The following CSMD1 variants were observed in gnomAD, a reference collection of about 807,000 sequenced individuals.
CSMD1 encodes the protein CUB and sushi domain-containing protein 1.
Under a neutral mutation model 417.5 loss-of-function variants are expected in CSMD1, and 213 were observed. That is an observed-to-expected ratio of 0.51 (90% confidence interval 0.46 to 0.57). The LOEUF (loss-of-function observed/expected upper bound fraction) is 0.57. Ranked by LOEUF, CSMD1 falls within the 20% of genes least tolerant of loss-of-function variation. CSMD1 has a pLI of 0.00. For missense variants in CSMD1, 6,923 were observed against 4,529.7 expected (o/e 1.53, Z -15.17); for synonymous variants, 2,862 against 1,736.8 (o/e 1.65, Z -16.11).
At chr8:4,348,883 T>A (rs894581435) in intron 3 of CSMD1, among the ~76,000 whole-genome samples, 1 of 152,314 alleles carries the variant, frequency 6.6e-6, no homozygotes, top group South Asian at 2.1e-4. Flanking sequence ...TCTGTTGCTC[T>A]GATTGAGTCA....
intron 18 of CSMD1, among the ~76,000 whole-genome samples, chr8:3,379,547 G>A (rs1030163443): frequency 2.6e-5 from 4 of 152,182 alleles, no homozygotes; most frequent in Non-Finnish European, 5.9e-5. Context: ...TACCAAAGCA[G>A]ATATATAGAC....
At chr8:3,635,459 G>A (rs1490647136) in intron 7 of CSMD1, among the ~76,000 whole-genome samples, 1 of 151,298 alleles carries the variant, frequency 6.6e-6, no homozygotes, top group African/African-American at 2.4e-5. Context: ...ACTCCAGCCT[G>A]GGCAATGGAG....
At chr8:3,505,679 C>T (rs906362362) in intron 10 of CSMD1, among the ~76,000 whole-genome samples, 5 of 152,058 alleles carry the variant, frequency 3.3e-5, no homozygotes, top group East Asian at 3.9e-4. Context: ...ATAACAAAAC[C>T]GTAGAGGTAC....
At chr8:3,252,962 TATTA>T (rs1800385514) in intron 26 of CSMD1, among the ~76,000 whole-genome samples, 1 of 152,186 alleles carries the variant, frequency 6.6e-6, no homozygotes, top group Admixed American at 6.5e-5. Flanking sequence ...TTTTCTTCTT[TATTA>T]GTTTTGCTAG....
At chr8:3,398,248 G>T (rs1043175705) in intron 16 of CSMD1, among the ~76,000 whole-genome samples, 2 of 152,170 alleles carry the variant, frequency 1.3e-5, no homozygotes, top group African/African-American at 2.4e-5. Context: ...GGAGAAATTA[G>T]TAAGAAACCC....
intron 5 of CSMD1, among the ~76,000 whole-genome samples, chr8:3,847,060 G>A (rs1314913242): frequency 2.6e-5 from 4 of 152,120 alleles, no homozygotes; most frequent in South Asian, 2.1e-4. Flanking sequence ...AGGTTTAGAA[G>A]CCCTTCCAGG....
At chr8:4,497,654 G>C (rs1212335899) in intron 2 of CSMD1, among the ~76,000 whole-genome samples, 1 of 152,138 alleles carries the variant, frequency 6.6e-6, no homozygotes. Context: ...TCGTGCCCCA[G>C]TGAGGAAATT....
Position 3,136,756 on chromosome 8 carries a change from T to A in CSMD1, c.6241+5709A>T, listed in dbSNP as rs550581943. Among the ~76,000 whole-genome samples the A allele has an allele frequency of 5.3e-5, 8 of 152,236 alleles. No homozygotes were observed. In the South Asian group the frequency reaches 1.7e-3, roughly 32 times the overall value. On this transcript the variant is annotated intron_variant, in intron 41 of 69. Transcript: ENST00000635120. ...CATGTTTCCTGAAAGTAACTGTGAA[T>A]CCCACCATCCCTGGGTAACTGATAC...
intron 1 of CSMD1, among the ~76,000 whole-genome samples, chr8:4,831,924 GCTGGGACCTTCGAGATTTAAAATTTTTGT>G (rs1800177431): frequency 6.6e-6 from 1 of 151,950 alleles, no homozygotes; most frequent in East Asian, 1.9e-4. Flanking sequence ...TCCCCTGAAA[GCTGGGACCTTCGAGATTTAAAATTTTTGT>G]CTGGGAGAAA....
chr8:3,912,874 G>C (rs1223259246), intron 5 of CSMD1, among the ~76,000 whole-genome samples: 1 of 152,198 alleles, frequency 6.6e-6, no homozygotes, highest in Non-Finnish European at 1.5e-5. Flanking sequence ...TAGTGATGGT[G>C]ATGTAAGAGT....
At chr8:3,834,892 C>G (rs926336030) in intron 5 of CSMD1, among the ~76,000 whole-genome samples, 1 of 151,882 alleles carries the variant, frequency 6.6e-6, no homozygotes, top group Non-Finnish European at 1.5e-5. Flanking sequence ...ACAACCCCAT[C>G]AAAAAGTGGG....
chr8:3,680,005 A>G (rs1415379466), intron 7 of CSMD1, among the ~76,000 whole-genome samples: 1 of 152,210 alleles, frequency 6.6e-6, no homozygotes, highest in East Asian at 1.9e-4. Context: ...AAGACACAAC[A>G]TGCCAGAATC....
chr8:4,119,089 C>T (rs1443143679), intron 3 of CSMD1, among the ~76,000 whole-genome samples: 8 of 152,114 alleles, frequency 5.3e-5, no homozygotes, highest in Admixed American at 2.6e-4. Context: ...AGGGACCTGT[C>T]AGTGGGTGGG....
intron 5 of CSMD1, among the ~76,000 whole-genome samples, chr8:3,995,075 A>C (rs1324171872): frequency 6.6e-6 from 1 of 152,138 alleles, no homozygotes; most frequent in Non-Finnish European, 1.5e-5. Context: ...TAAATACACC[A>C]ATTTGATTCA....
At chr8:3,532,799 A>C (rs1341153286) in intron 10 of CSMD1, among the ~76,000 whole-genome samples, 3 of 152,228 alleles carry the variant, frequency 2.0e-5, no homozygotes, top group African/African-American at 7.2e-5. Flanking sequence ...TTGACATATA[A>C]TCTATATCTG....
At chr8:4,768,005 T>C (rs548770017) in intron 1 of CSMD1, among the ~76,000 whole-genome samples, 8 of 151,536 alleles carry the variant, frequency 5.3e-5, no homozygotes, top group Non-Finnish European at 7.4e-5. Flanking sequence ...GGCATTCAAT[T>C]CACATTTACG....
At chr8:3,368,621 G>A (rs958445022) in intron 19 of CSMD1, among the ~76,000 whole-genome samples, 1 of 152,156 alleles carries the variant, frequency 6.6e-6, no homozygotes, top group Non-Finnish European at 1.5e-5. Flanking sequence ...TTACAAGCGT[G>A]AGTCACTTCA....
At chr8:4,168,977 C>G (rs1336701822) in intron 3 of CSMD1, among the ~76,000 whole-genome samples, 1 of 152,092 alleles carries the variant, frequency 6.6e-6, no homozygotes, top group East Asian at 1.9e-4. Context: ...TCAGGCCGTT[C>G]TCCTCATTTT....
At position 3,286,991 on chromosome 8, in the gene CSMD1, A is replaced by G. The variant is rs564377372; in HGVS notation, c.3951-2645T>C. Among the ~76,000 whole-genome samples, 1,217 of 152,122 alleles carry G rather than the reference A, an allele frequency of 8.0e-3. 18 individuals are homozygous for G. Among genetic ancestry groups the G allele is most frequent in the African/African-American group, 0.027 (1,125 of 41,500 alleles). Reference sequence around the variant, plus strand: ...TTAAGTCTTTAATCCATCTTGAATTAATTTTTGTATAAGGTGTAAGGAAGG... The same window carrying G: ...TTAAGTCTTTAATCCATCTTGAATTGATTTTTGTATAAGGTGTAAGGAAGG... On this transcript the variant is annotated intron_variant, in intron 25 of 69. Coordinates refer to ENST00000635120, the MANE Select transcript of CSMD1 (RefSeq NM_033225.6).
Sources: allele counts gnomAD v4.1 joint callset (sites outside exome capture counted in the v4.1 genomes callset), GRCh38; gene constraint gnomAD v4.1.1; transcripts MANE v1.5; gene names NCBI Gene and HGNC (gene_info 2026-07-23, HGNC 2026-07-21).